PPP1R12A: variants seen among roughly 807,000 people sequenced by gnomAD.
The protein encoded by PPP1R12A is protein phosphatase 1 regulatory subunit 12A, also known as myosin binding subunit.
Under a neutral mutation model 139.6 loss-of-function variants are expected in PPP1R12A, and 19 were observed. The observed-to-expected ratio is 0.14, with a 90% CI of 0.09 to 0.20. The LOEUF (loss-of-function observed/expected upper bound fraction) is 0.20, where lower values mean the gene tolerates loss of function less well. PPP1R12A is among the 10% of genes least tolerant of loss of function. The pLI, the probability that PPP1R12A is intolerant of heterozygous loss-of-function variation, is 1.00. For synonymous variants in PPP1R12A, 427 were observed against 420.6 expected (o/e 1.02, Z -0.19); for missense variants, 925 against 1,211.5 (o/e 0.76, Z 3.51).
intron 17 of PPP1R12A, 50 bp downstream of exon 17, chr12:79,796,732 A>G (rs1364913377): frequency 7.0e-7 from 1 of 1,422,048 alleles, no homozygotes; most frequent in Non-Finnish European, 9.6e-7. Context: ...ACCCTAATCC[A>G]AAGGATTATA....
chr12:79,924,641 C>T (rs1220431812), intron 1 of PPP1R12A, among the ~76,000 whole-genome samples: 1 of 151,932 alleles, frequency 6.6e-6, no homozygotes, highest in African/African-American at 2.4e-5. Flanking sequence ...GTTGCCCAAG[C>T]CAGTTTTGAA....
At chr12:79,875,209 C>T (rs915888574) in intron 1 of PPP1R12A, among the ~76,000 whole-genome samples, 2 of 152,076 alleles carry the variant, frequency 1.3e-5, no homozygotes, top group African/African-American at 4.8e-5. Context: ...AAACACACTC[C>T]ATTTACCCTG....
upstream of PPP1R12A, chr12:79,935,115 C>G: frequency 2.9e-6 from 4 of 1,361,982 alleles, no homozygotes; most frequent in Non-Finnish European, 3.8e-6. Flanking sequence ...CGCACCCGGC[C>G]GAGCGGACCT....
chr12:79,841,170 C>A (rs574461061), intron 3 of PPP1R12A, among the ~76,000 whole-genome samples: 114 of 151,898 alleles, frequency 7.5e-4, no homozygotes, highest in Non-Finnish European at 1.3e-3. Flanking sequence ...GTCAAGCAAG[C>A]CTCTCATCTC....
chr12:79,914,738 C>G (rs774410738), intron 1 of PPP1R12A, among the ~76,000 whole-genome samples: 1 of 151,932 alleles, frequency 6.6e-6, no homozygotes. Context: ...TCCTGGAAAT[C>G]TGGAATTAGA....
At chr12:79,857,130 C>T (rs557279467) in intron 2 of PPP1R12A, among the ~76,000 whole-genome samples, 21 of 152,248 alleles carry the variant, frequency 1.4e-4, no homozygotes, top group African/African-American at 5.1e-4. Flanking sequence ...GACACATGCA[C>T]ACGTATGTTT....
intron 2 of PPP1R12A, among the ~76,000 whole-genome samples, chr12:79,863,157 G>A (rs570744567): frequency 4.2e-4 from 64 of 152,156 alleles, no homozygotes; most frequent in East Asian, 1.5e-3. Flanking sequence ...AGTGGGGGCC[G>A]ATATTCAACA....
intron 3 of PPP1R12A, among the ~76,000 whole-genome samples, chr12:79,833,307 C>A (rs796874293): frequency 4.6e-5 from 7 of 151,976 alleles, no homozygotes; most frequent in African/African-American, 1.7e-4. Flanking sequence ...ATGAATAGGA[C>A]CCTCTAATTC....
In PPP1R12A at chr12:79,903,506, T is replaced by C. The variant is rs576723111; in HGVS notation, c.238-30568A>G. ...TCAGGCTATGTGTATGAGGTACACA[T>C]GAAGCGTAAATTAATTTCTTATTTA... On this transcript the variant is annotated intron_variant, in intron 1 of 24. Transcript: ENST00000450142. 3.2e-4 allele frequency among the ~76,000 whole-genome samples: 49 copies of C among 151,848 alleles called. 1 individual carries two copies. In the South Asian group the frequency reaches 7.2e-3, roughly 22 times the overall value.
At chr12:79,791,773 T>C (rs1871903983) in intron 19 of PPP1R12A, among the ~76,000 whole-genome samples, 1 of 152,196 alleles carries the variant, frequency 6.6e-6, no homozygotes, top group African/African-American at 2.4e-5. Flanking sequence ...CTTTTTCATC[T>C]TGCAAAAATA....
intron 3 of PPP1R12A, among the ~76,000 whole-genome samples, chr12:79,834,587 G>C (rs1877849902): frequency 6.6e-6 from 1 of 152,156 alleles, no homozygotes. Flanking sequence ...GAGAGGTCGA[G>C]AATCAATCAG....
At chr12:79,827,434 CCTAT>C (rs541427003) in intron 5 of PPP1R12A, among the ~76,000 whole-genome samples, 94 of 152,186 alleles carry the variant, frequency 6.2e-4, no homozygotes, top group African/African-American at 2.0e-3. Flanking sequence ...TGCTACATAA[CCTAT>C]GATATTATCC....
chr12:79,777,433 T>G (rs1869871383), intron 24 of PPP1R12A: 8 of 984,868 alleles, frequency 8.1e-6, no homozygotes, highest in Non-Finnish European at 7.2e-6. Flanking sequence ...GGCATTAATT[T>G]GTAAAAGTGA....
chr12:79,884,365 G>A (rs1266536551), intron 1 of PPP1R12A, among the ~76,000 whole-genome samples: 1 of 152,078 alleles, frequency 6.6e-6, no homozygotes, highest in Non-Finnish European at 1.5e-5. Flanking sequence ...AGCAATTAAT[G>A]TTAAATCTGC....
chr12:79,814,828 A>AT, intron 9 of PPP1R12A, among the ~76,000 whole-genome samples: 1 of 150,962 alleles, frequency 6.6e-6, no homozygotes, highest in Non-Finnish European at 1.5e-5. Flanking sequence ...AAAAAAAAAA[A>AT]AAAAAAAAAA....
chr12:79,896,863 A>T (rs1353207491), intron 1 of PPP1R12A, among the ~76,000 whole-genome samples: 1 of 152,216 alleles, frequency 6.6e-6, no homozygotes, highest in Non-Finnish European at 1.5e-5. Flanking sequence ...CTAAAATAGT[A>T]ATTCATCTTG....
intron 1 of PPP1R12A, among the ~76,000 whole-genome samples, chr12:79,933,005 A>T (rs577615107): frequency 6.6e-6 from 1 of 152,348 alleles, no homozygotes; most frequent in Admixed American, 6.5e-5. Context: ...CACTTGAAAG[A>T]AATTTGAAGA....
intron 1 of PPP1R12A, among the ~76,000 whole-genome samples, chr12:79,932,946 A>G (rs1888357382): frequency 6.6e-6 from 1 of 152,216 alleles, no homozygotes; most frequent in African/African-American, 2.4e-5. Context: ...GACCTCCTAC[A>G]GTAATAATCG....
In PPP1R12A at chr12:79,935,066, C is replaced by T. The variant is rs1253453816; in HGVS notation, c.-135G>A. The T allele has an allele frequency of 1.4e-6, 2 of 1,406,278 alleles. No homozygotes were observed. Among genetic ancestry groups the T allele is most frequent in the Admixed American group, 6.2e-5 (2 of 32,422 alleles). 87.1% of individuals were successfully genotyped at this position (1,406,278 alleles called of 1,614,324 possible). A position where few individuals can be genotyped will look rare whatever the true frequency, so the allele number is the denominator to read the frequency against. On this transcript the variant is annotated 5_prime_UTR_variant, in exon 1 of 25. Coordinates refer to ENST00000450142, the MANE Select transcript of PPP1R12A (RefSeq NM_002480.3). ...AGGAGGGCTGGGAACCCGGAGCCGA[C>T]GCTCGAGACTTCCAGTATCCCACAG...
Sources: gnomAD v4.1 joint callset for allele counts (sites outside exome capture counted in the v4.1 genomes callset) on GRCh38, gnomAD v4.1.1 for gene constraint, MANE v1.5 for transcripts, NCBI Gene and HGNC (gene_info 2026-07-23, HGNC 2026-07-21) for gene names.